The following SLTM variants were observed in gnomAD, a reference collection of about 807,000 sequenced individuals.
SLTM encodes the protein SAFB-like transcription modulator.
SLTM carries 43 observed loss-of-function variants against 134.6 expected under a neutral mutation model. The ratio of observed to expected loss-of-function variants is 0.32; its 90% CI spans 0.25 to 0.41. The LOEUF (loss-of-function observed/expected upper bound fraction) is 0.41. SLTM is among the 10% of genes least tolerant of loss of function. The pLI is 1.00. For missense variants in SLTM, 1,055 were observed against 1,288.8 expected (o/e 0.82, Z 2.78); for synonymous variants, 424 against 432.3 (o/e 0.98, Z 0.24).
At position 58,913,675 on chromosome 15, in the gene SLTM, C is replaced by G; in HGVS notation, c.337G>C (p.Glu113Gln). 1 of 1,613,434 alleles carries G rather than the reference C, an allele frequency of 6.2e-7. No individual in the cohort carries two copies. Among genetic ancestry groups the G allele is most frequent in the Non-Finnish European group, 8.5e-7 (1 of 1,179,784 alleles). The stretch of plus-strand genomic sequence containing the variant: ...TCATTTCCATCTTGCTCATGTGCCT[C>G]TTGATTCTCCAATTCACAGTCCTTT... ...FIKDCELENQ[E>Q]AHEQDGNDEL... The change falls in exon 4 of 21, where the codon GAG becomes CAG. Residue 113 changes from glutamate to glutamine, a missense_variant. By Grantham distance (29) the Glu-to-Gln change is conservative. Transcript: ENST00000380516.
intron 2 of SLTM, among the ~76,000 whole-genome samples, chr15:58,927,227 ATTTC>A (rs2037538575): frequency 6.6e-6 from 1 of 152,094 alleles, no homozygotes; most frequent in African/African-American, 2.4e-5. Context: ...CAAAAGAGAT[ATTTC>A]TTTTTTTTGT....
intron 8 of SLTM, chr15:58,898,578 T>A: frequency 2.4e-6 from 1 of 422,440 alleles, no homozygotes; most frequent in Non-Finnish European, 4.2e-6. Flanking sequence ...AGCTAATGGG[T>A]TTTTAACGTA....
At chr15:58,888,313 A>G (rs1352705168) in intron 17 of SLTM, 72 bp downstream of exon 17, 1 of 1,363,590 alleles carries the variant, frequency 7.3e-7, no homozygotes, top group East Asian at 2.3e-5. Flanking sequence ...CTTCCAGTTA[A>G]GATTTTAGGA....
In SLTM at chr15:58,887,503, C is replaced by T. The variant is rs2140957772; in HGVS notation, c.2413G>A (p.Ala805Thr). 2 of 1,613,038 alleles carry T rather than the reference C, an allele frequency of 1.2e-6. No individual in the cohort carries two copies. Among genetic ancestry groups the T allele is most frequent in the Non-Finnish European group, 1.7e-6 (2 of 1,179,620 alleles). The change falls in exon 18 of 21, where the codon GCA (alanine) becomes ACA (threonine). Residue 805 changes from alanine to threonine, a missense_variant. Transcript: ENST00000380516. Reference protein sequence around the residue: ...RFVGQSEGKKARPTARREDPS... With the variant: ...RFVGQSEGKKTRPTARREDPS... ...TCTTCCCTTCGTGCAGTAGGTCGTG[C>T]TTTTTTCCCCTCACTTTGACCAACA...
chr15:58,898,902 A>C, intron 7 of SLTM, 50 bp from the exon 8 acceptor site: 1 of 1,364,942 alleles, frequency 7.3e-7, no homozygotes, highest in Non-Finnish European at 1.0e-6. Flanking sequence ...ACAAAAACAA[A>C]CCCAAAACAG....
chr15:58,912,814 T>G (rs1467460171), intron 4 of SLTM: 2 of 504,034 alleles, frequency 4.0e-6, no homozygotes, highest in East Asian at 7.1e-5. Flanking sequence ...TTAGAAATAT[T>G]TCTCTTGAGC....
intron 5 of SLTM, among the ~76,000 whole-genome samples, chr15:58,908,724 A>G (rs1214957011): frequency 6.6e-6 from 1 of 152,200 alleles, no homozygotes; most frequent in Non-Finnish European, 1.5e-5. Flanking sequence ...AAACAAATCA[A>G]CCTAGATATG....
chr15:58,887,649 T>C, intron 17 of SLTM, 109 bp from the exon 18 acceptor site: 1 of 1,484,302 alleles, frequency 6.7e-7, no homozygotes, highest in East Asian at 2.3e-5. Flanking sequence ...AAAATGAACT[T>C]AAGGCAAAGC....
chr15:58,897,652 A>T (rs960707916), intron 8 of SLTM: 13 of 153,416 alleles, frequency 8.5e-5, no homozygotes, highest in African/African-American at 2.9e-4. Context: ...AGCAAGGTAT[A>T]CATTTTTCAA....
chr15:58,928,021 A>T (rs1223739111), intron 2 of SLTM, among the ~76,000 whole-genome samples: 1 of 152,236 alleles, frequency 6.6e-6, no homozygotes, highest in African/African-American at 2.4e-5. Context: ...ATGTTTGGCC[A>T]AACCTATAAC....
At chr15:58,923,799 CTTTTTTTTTT>C (rs34100406) in intron 2 of SLTM, among the ~76,000 whole-genome samples, 1 of 69,544 alleles carries the variant, frequency 1.4e-5, no homozygotes, top group African/African-American at 5.5e-5. Context: ...GAAGCCAAAC[CTTTTTTTTTT>C]TTTTTTTTTT....
At chr15:58,926,005 C>A (rs1397946360) in intron 2 of SLTM, among the ~76,000 whole-genome samples, 1 of 152,174 alleles carries the variant, frequency 6.6e-6, no homozygotes, top group East Asian at 1.9e-4. Flanking sequence ...TGCTAAATTT[C>A]AAGCTTTAGT....
chr15:58,885,794 C>CAAACA (rs1238849743), intron 19 of SLTM, among the ~76,000 whole-genome samples: 1 of 150,420 alleles, frequency 6.6e-6, no homozygotes, highest in Non-Finnish European at 1.5e-5. Context: ...AAAAAACAAA[C>CAAACA]AAACAAAACA....
At chr15:58,880,150 C>A (rs368990801) in intron 20 of SLTM, 43 bp from the exon 21 acceptor site, 255 of 1,598,660 alleles carry the variant, frequency 1.6e-4, no homozygotes, top group Non-Finnish European at 2.1e-4. Context: ...GAACAAAGAA[C>A]AAATCATCAC....
At chr15:58,914,341 C>G (rs1331395709) in intron 3 of SLTM, among the ~76,000 whole-genome samples, 1 of 152,170 alleles carries the variant, frequency 6.6e-6, no homozygotes, top group Non-Finnish European at 1.5e-5. Flanking sequence ...AAGCAATAAA[C>G]ATTACTTCCT....
At position 58,898,823 on chromosome 15, in the gene SLTM, G is replaced by A. The variant is rs975181444; in HGVS notation, c.1088C>T (p.Thr363Ile). The A allele has an allele frequency of 1.2e-6, 2 of 1,608,436 alleles. No individual in the cohort carries two copies. Among genetic ancestry groups the A allele is most frequent in the East Asian group, 4.5e-5 (2 of 44,588 alleles). The change falls in exon 8 of 21, where the codon ACA becomes ATA. Residue 363 changes from threonine (T) to isoleucine (I), a missense_variant. Physicochemically the swap from Thr to Ile is moderately conservative, Grantham distance 89 (BLOSUM62 -1). This residue lies in a region of SLTM where 776 missense variants were observed against 962.2 expected (regional missense o/e 0.81). Transcript: ENST00000380516. Reference protein sequence around the residue: ...SSSKESKDSKTSSKDDKGSTS... With the variant: ...SSSKESKDSKISSKDDKGSTS... ...TTTACCTTTGTCATCTTTAGATGAT[G>A]TCTTGCTGTCTTTAGATTCCTTTGA...
chr15:58,898,816 A>C lies in SLTM; in HGVS notation c.1095T>G (p.Ser365=), dbSNP rs766797014. The change falls in exon 8 of 21, where the codon TCT becomes TCG. Residue 365 remains serine (S), a synonymous_variant. Transcript: ENST00000380516. ...AAAATTCTTTACCTTTGTCATCTTTAGATGATGTCTTGCTGTCTTTAGATT... is the reference window on the plus strand; with the variant it reads ...AAAATTCTTTACCTTTGTCATCTTTCGATGATGTCTTGCTGTCTTTAGATT... ...SKESKDSKTS[S]KDDKGSTSST... 6.2e-7 allele frequency: 1 copy of C among 1,607,736 alleles called. No homozygotes were observed. Among genetic ancestry groups the C allele is most frequent in the South Asian group, 1.1e-5 (1 of 89,586 alleles).
chr15:58,906,110 CT>C (rs1352465311), intron 5 of SLTM, among the ~76,000 whole-genome samples: 1 of 152,150 alleles, frequency 6.6e-6, no homozygotes, highest in Non-Finnish European at 1.5e-5. Context: ...ATCCAAAATA[CT>C]TGCAATAAGG....
intron 19 of SLTM, among the ~76,000 whole-genome samples, chr15:58,884,336 T>C (rs1236034311): frequency 6.6e-6 from 1 of 152,160 alleles, no homozygotes; most frequent in East Asian, 1.9e-4. Flanking sequence ...GTTTTGTTTT[T>C]TGAGACAGAG....
Sources: allele counts gnomAD v4.1 joint callset (sites outside exome capture counted in the v4.1 genomes callset), GRCh38; gene constraint gnomAD v4.1.1; regional missense constraint gnomAD v4.1.1; transcripts MANE v1.5; gene names NCBI Gene and HGNC (gene_info 2026-07-23, HGNC 2026-07-21).